The following RALGDS variants were observed in gnomAD, a reference collection of about 807,000 sequenced individuals.
RALGDS encodes ral guanine nucleotide exchange factor.
Under a neutral mutation model 99.8 loss-of-function variants are expected in RALGDS, and 44 were observed. The observed-to-expected ratio is 0.44, with a 90% CI of 0.35 to 0.57. RALGDS has a LOEUF of 0.57. RALGDS is among the 20% of genes least tolerant of loss of function. The pLI, the probability that RALGDS is intolerant of heterozygous loss-of-function variation, is 0.01. For synonymous variants in RALGDS, 529 were observed against 505.0 expected (o/e 1.05, Z -0.64); for missense variants, 1,022 against 1,203.1 (o/e 0.85, Z 2.23).
intron 12 of RALGDS, 95 bp from the exon 13 acceptor site, chr9:133,102,995 C>T (rs1445869543): frequency 1.3e-6 from 2 of 1,545,870 alleles, no homozygotes; most frequent in East Asian, 2.3e-5. Context: ...CCTTCCTCCC[C>T]TCTACTCCCA....
rs780065045 is a variant in RALGDS at position 133,101,345 on chromosome 9, C to T, written c.2454+175G>A. On this transcript the variant is annotated intron_variant, in intron 16 of 17. Transcript: ENST00000372050. ...CGGCTGCTCCTTTCCTCCCCCTCTG[C>T]CCTCAGGCCAGCCTTGTCCCTGATC... 5.4e-6 allele frequency: 8 copies of T among 1,488,192 alleles called. No individual in the cohort carries two copies. In the East Asian group the frequency reaches 1.8e-4, roughly 34 times the overall value. The allele number at this position is 1,488,192 out of a possible 1,614,324, so 92.2% of individuals were successfully genotyped here. A position where few individuals can be genotyped will look rare whatever the true frequency, so the allele number is the denominator to read the frequency against.
In RALGDS at chr9:133,098,608, C is replaced by T; in HGVS notation, c.2724G>A (p.Lys908=). 1.2e-6 allele frequency: 2 copies of T among 1,614,204 alleles called. No individual in the cohort carries two copies. Among genetic ancestry groups the T allele is most frequent in the Non-Finnish European group, 1.7e-6 (2 of 1,180,032 alleles). Residue 908 remains lysine (K), a synonymous_variant, in exon 18 of 18, where the codon AAG becomes AAA. Coordinates refer to ENST00000372050, the MANE Select transcript of RALGDS (RefSeq NM_006266.4). ...TLPRMKQKGL[K]IAKGIF The stretch of plus-strand genomic sequence containing the variant: ...GCCCTCAGAAGATGCCCTTGGCAAT[C>T]TTGAGTCCTTTCTGCTTCATGCGAG...
Position 133,107,139 on chromosome 9 carries a change from G to T in RALGDS, c.1359C>A (p.Ser453Arg), listed in dbSNP as rs754493556. 1.2e-6 allele frequency: 2 copies of T among 1,613,792 alleles called. No individual in the cohort carries two copies. The highest frequency in any genetic ancestry group is 1.7e-6 in the Non-Finnish European group (2 of 1,180,044). Residue 453 changes from serine (S) to arginine (R), a missense_variant, in exon 7 of 18, where the codon AGC (serine) becomes AGA (arginine). Physicochemically the swap from Ser to Arg is moderately radical, Grantham distance 110 (BLOSUM62 -1). Transcript: ENST00000372050. ...CCCTGGCCCTGTCTGGGGCTTTCGTGCTTCGGTTCCCGAGGCAGGTGGTGA... is the reference window on the plus strand; with the variant it reads ...CCCTGGCCCTGTCTGGGGCTTTCGTTCTTCGGTTCCCGAGGCAGGTGGTGA... ...CVITTCLGNRSTKAPDRARVV... is the reference protein window; with the variant it reads ...CVITTCLGNRRTKAPDRARVV...
intron 9 of RALGDS, chr9:133,104,568 T>G: frequency 1.8e-6 from 1 of 542,878 alleles, no homozygotes; most frequent in Non-Finnish European, 3.3e-6. Context: ...TCCCAGCATT[T>G]TGGAAGGCCA....
rs537189887 is a variant in RALGDS, at chr9:133,102,350, TCAGGGCCAGTCAGCAGCAGGGTAGGATTC to T, written c.2009+97_2009+125del. 7.3e-4 allele frequency: 867 copies of T among 1,189,714 alleles called. 5 individuals carry two copies. The African/African-American group carries it at 0.011, about 15-fold the overall frequency. The allele number at this position is 1,189,714 out of a possible 1,614,324, so 73.7% of individuals were successfully genotyped here. A position where few individuals can be genotyped will look rare whatever the true frequency, so the allele number is the denominator to read the frequency against. Reference sequence around the variant, plus strand: ...AAAGGTGAGGGGACTCATCCCAGTCTCAGGGCCAGTCAGCAGCAGGGTAGGATTCCAGGGCCAGCCTCCCTGACTCCCTG... The same window carrying T: ...AAAGGTGAGGGGACTCATCCCAGTCTCAGGGCCAGCCTCCCTGACTCCCTG... On this transcript the variant is annotated intron_variant, in intron 14 of 17. Transcript: ENST00000372050.
intron 1 of RALGDS, among the ~76,000 whole-genome samples, chr9:133,113,223 C>G (rs182133403): frequency 6.6e-6 from 1 of 152,290 alleles, no homozygotes; most frequent in African/African-American, 2.4e-5. Context: ...ACCGCCCAGT[C>G]AGTGCCCCAG....
chr9:133,126,326 G>A (rs1211687488), intron 1 of RALGDS, among the ~76,000 whole-genome samples: 1 of 152,242 alleles, frequency 6.6e-6, no homozygotes, highest in Non-Finnish European at 1.5e-5. Flanking sequence ...GCTGCTCGCA[G>A]AGGAACTTTA....
intron 1 of RALGDS, among the ~76,000 whole-genome samples, chr9:133,143,789 T>C (rs13289950): frequency 0.72 from 80,867 of 112,344 alleles, 27,075 homozygotes; most frequent in East Asian, 0.82. Context: ...ACAACAACAA[T>C]AATAATAATA....
In RALGDS at chr9:133,101,565, G is replaced by T. The variant is rs754125471; in HGVS notation, c.2409C>A (p.Arg803=). ...NQQVGDCCII[R]VSLDVDNGNM... ...TGCCATTGTCCACGTCCAGGCTGAC[G>T]CGGATGATACAGCAGTCGCCCACCT... The change falls in exon 16 of 18, where the codon CGC becomes CGA. Residue 803 remains arginine, a synonymous_variant. Coordinates refer to ENST00000372050, the MANE Select transcript of RALGDS (RefSeq NM_006266.4). 1.9e-6 allele frequency: 3 copies of T among 1,612,324 alleles called. No individual in the cohort carries two copies. The highest frequency in any genetic ancestry group is 2.5e-6 in the Non-Finnish European group (3 of 1,180,038).
intron 7 of RALGDS, 120 bp downstream of exon 7, chr9:133,106,954 GGCTGGGAGAGT>G: frequency 9.4e-7 from 1 of 1,063,020 alleles, no homozygotes; most frequent in South Asian, 1.3e-5. Flanking sequence ...CCAGGCAGTG[GGCTGGGAGAGT>G]CAAGGCCAGC....
At chr9:133,134,619 G>C (rs960626866), upstream of RALGDS, among the ~76,000 whole-genome samples, 1 of 152,154 alleles carries the variant, frequency 6.6e-6, no homozygotes, top group Non-Finnish European at 1.5e-5. Flanking sequence ...AAGTAGATTT[G>C]TTCCAGGCAG....
At chr9:133,120,928 G>A in intron 1 of RALGDS, 44 bp downstream of exon 1, 1 of 1,461,176 alleles carries the variant, frequency 6.8e-7, no homozygotes, top group Non-Finnish European at 9.0e-7. Context: ...CGCGGGTGGG[G>A]AGGCTCCGAC....
chr9:133,106,812 C>A, intron 7 of RALGDS, 64 bp from the exon 8 acceptor site: 1 of 1,302,926 alleles, frequency 7.7e-7, no homozygotes, highest in Non-Finnish European at 1.1e-6. Flanking sequence ...TGGCCTCAGT[C>A]CCCCTTGGCC....
At chr9:133,148,561 CGT>C in intron 1 of RALGDS, among the ~76,000 whole-genome samples, 1 of 152,216 alleles carries the variant, frequency 6.6e-6, no homozygotes. Context: ...TGTGTGTCTG[CGT>C]GTGTGTGAGC....
Position 133,098,485 on chromosome 9 carries a change from G to A in RALGDS, c.*102C>T. The A allele has an allele frequency of 3.2e-6, 4 of 1,237,532 alleles. No homozygotes were observed. Among genetic ancestry groups the A allele is most frequent in the East Asian group, 2.4e-5 (1 of 41,220 alleles). 76.7% of individuals were successfully genotyped at this position (1,237,532 alleles called of 1,614,324 possible). On this transcript the variant is annotated 3_prime_UTR_variant, in exon 18 of 18. Transcript: ENST00000372050. ...GTTCAGGATGAAACTGGAGTCTGGGGTACCCTGGGCTGGCAGGTGGGAGGA... is the reference window on the plus strand; with the variant it reads ...GTTCAGGATGAAACTGGAGTCTGGGATACCCTGGGCTGGCAGGTGGGAGGA...
rs372723150 is a variant in RALGDS at position 133,101,329 on chromosome 9, C to T, written c.2454+191G>A. 279 of 1,452,516 alleles carry T rather than the reference C, an allele frequency of 1.9e-4. No homozygotes were observed. In the Middle Eastern group the frequency reaches 4.2e-3, roughly 22 times the overall value. 90.0% of individuals were successfully genotyped at this position (1,452,516 alleles called of 1,614,324 possible). On this transcript the variant is annotated intron_variant, in intron 16 of 17. Transcript: ENST00000372050. ...TCCTGGGGGCTTTGCACGGCTGCTC[C>T]TTTCCTCCCCCTCTGCCCTCAGGCC...
rs956716138 is a variant in RALGDS, at chr9:133,101,604, C to A, written c.2370G>T (p.Pro790=). ...SGLCNSSSAL[P]LYNQQVGDCC... ...AGTCGCCCACCTGCTGGTTGTAGAG[C>A]GGCAGCGCGGAGCTGGAGTTGCAGA... The change falls in exon 16 of 18, where the codon CCG becomes CCT. Residue 790 remains proline, a synonymous_variant. Coordinates refer to ENST00000372050, the MANE Select transcript of RALGDS (RefSeq NM_006266.4). 15 of 1,612,828 alleles carry A rather than the reference C, an allele frequency of 9.3e-6. No individual in the cohort carries two copies. Among genetic ancestry groups the A allele is most frequent in the Non-Finnish European group, 1.3e-5 (15 of 1,180,014 alleles).
At chr9:133,132,103 G>T, upstream of RALGDS, among the ~76,000 whole-genome samples, 1 of 152,236 alleles carries the variant, frequency 6.6e-6, no homozygotes, top group East Asian at 1.9e-4. Context: ...GCAGTCCGGG[G>T]TCTGCCCAGT....
chr9:133,134,473 AAACTG>A (rs1330804100), upstream of RALGDS, among the ~76,000 whole-genome samples: 13 of 152,212 alleles, frequency 8.5e-5, no homozygotes, highest in African/African-American at 3.1e-4. Context: ...CTCTGTTGTA[AAACTG>A]AGAAAACTGA....
Sources: allele counts gnomAD v4.1 joint callset (sites outside exome capture counted in the v4.1 genomes callset), GRCh38; gene constraint gnomAD v4.1.1; transcripts MANE v1.5; gene names NCBI Gene and HGNC (gene_info 2026-07-23, HGNC 2026-07-21).